ZFHX3: variants seen among roughly 807,000 people sequenced by gnomAD.
The protein encoded by ZFHX3 is zinc finger homeobox protein 3.
Under a neutral mutation model 279.1 loss-of-function variants are expected in ZFHX3, and 42 were observed. The observed-to-expected ratio is 0.15, with a 90% CI of 0.12 to 0.19. The LOEUF is 0.19. Ranked by LOEUF, ZFHX3 falls within the 10% of genes least tolerant of loss-of-function variation. ZFHX3 has a pLI of 1.00. For synonymous variants in ZFHX3, 2,293 were observed against 1,957.8 expected (o/e 1.17, Z -4.52); for missense variants, 4,981 against 4,754.0 (o/e 1.05, Z -1.40).
chr16:73,551,931 A>T (rs1301742380), intron 2 of ZFHX3, among the ~76,000 whole-genome samples: 3 of 152,228 alleles, frequency 2.0e-5, no homozygotes, highest in African/African-American at 7.2e-5. Flanking sequence ...AACAAGTATC[A>T]TCAACATTTA....
At chr16:73,425,427 T>C (rs768656273) in intron 3 of ZFHX3, among the ~76,000 whole-genome samples, 1 of 152,194 alleles carries the variant, frequency 6.6e-6, no homozygotes, top group African/African-American at 2.4e-5. Flanking sequence ...TATAATCTCA[T>C]ATAATCGTCA....
At chr16:72,890,233 G>GTGATACTGAGTTCTCA (rs1313877744) in intron 3 of ZFHX3, among the ~76,000 whole-genome samples, 9 of 152,198 alleles carry the variant, frequency 5.9e-5, no homozygotes, top group Non-Finnish European at 1.3e-4. Context: ...TGCTGTTCTT[G>GTGATACTGAGTTCTCA]TGATACTGAG....
In ZFHX3 at chr16:72,959,507, C is replaced by G; in HGVS notation, c.639G>C (p.Gln213His). 6.2e-7 allele frequency: 1 copy of G among 1,614,272 alleles called. No individual in the cohort carries two copies. The highest frequency in any genetic ancestry group is 8.5e-7 in the Non-Finnish European group (1 of 1,180,042). Residue 213 changes from glutamine (Q) to histidine (H), a missense_variant, in exon 2 of 10, where the codon CAG becomes CAC. Physicochemically the swap from Gln to His is conservative, Grantham distance 24. Around this residue, in one of 7 missense-constraint regions of ZFHX3, gnomAD observed 1,068 missense variants for 935.2 expected, o/e 1.14. Transcript: ENST00000268489. ...CCAGGGCTGAGGTATTCGGGAAAGC[C>G]TGGTCTGGGCCCTCAAACCATTTCC... ...SFGKWFEGPD[Q>H]AFPNTSALAG... is the part of the protein sequence containing the mutation.
At chr16:73,566,281 T>A (rs1451669046) in intron 2 of ZFHX3, among the ~76,000 whole-genome samples, 1 of 152,236 alleles carries the variant, frequency 6.6e-6, no homozygotes, top group Non-Finnish European at 1.5e-5. Flanking sequence ...GATCTCCTCA[T>A]AGACCTAAAA....
intron 1 of ZFHX3, among the ~76,000 whole-genome samples, chr16:73,038,948 C>G (rs953722773): frequency 3.3e-5 from 5 of 151,766 alleles, no homozygotes; most frequent in Non-Finnish European, 7.4e-5. Flanking sequence ...CAGGCGTGCA[C>G]CACCACGCCC....
At position 72,795,667 on chromosome 16, in the gene ZFHX3, G is replaced by C; in HGVS notation, c.7015C>G (p.Arg2339Gly). ...TGGTGCTTGATGAGATCAAAGATGC[G>C]CTGAAACACCAGGCTACATTTTTTG... ...QCKKCSLVFQ[R>G]IFDLIKHQKK... The change falls in exon 9 of 10, where the codon CGC becomes GGC. Residue 2339 changes from arginine (R) to glycine (G), a missense_variant. Transcript: ENST00000268489. 1 of 1,613,994 alleles carries C rather than the reference G, an allele frequency of 6.2e-7. No individual in the cohort carries two copies. Among genetic ancestry groups the C allele is most frequent in the Non-Finnish European group, 8.5e-7 (1 of 1,179,992 alleles).
chr16:73,460,346 C>A (rs1179693777), intron 2 of ZFHX3, among the ~76,000 whole-genome samples: 1 of 152,118 alleles, frequency 6.6e-6, no homozygotes, highest in Non-Finnish European at 1.5e-5. Flanking sequence ...AGATATTCTA[C>A]AGTTTGCTTA....
intron 3 of ZFHX3, among the ~76,000 whole-genome samples, chr16:73,450,764 G>C (rs941520440): frequency 2.0e-5 from 3 of 152,194 alleles, no homozygotes; most frequent in African/African-American, 7.2e-5. Flanking sequence ...CAGATTAACA[G>C]CTTCTGCCAT....
chr16:73,527,704 A>C (rs2019719672), intron 2 of ZFHX3, among the ~76,000 whole-genome samples: 1 of 152,154 alleles, frequency 6.6e-6, no homozygotes, highest in Non-Finnish European at 1.5e-5. Context: ...GCAAGCTACC[A>C]TGTGTTAGCT....
At chr16:72,904,505 A>G (rs1461000568) in intron 3 of ZFHX3, among the ~76,000 whole-genome samples, 2 of 152,060 alleles carry the variant, frequency 1.3e-5, no homozygotes, top group African/African-American at 4.8e-5. Context: ...CTTGCCTTTC[A>G]AGACCTATCT....
Position 73,084,810 on chromosome 16 carries a change from G to A in ZFHX3, c.-533+8425C>T, listed in dbSNP as rs184039600. 1.0e-2 allele frequency among the ~76,000 whole-genome samples: 1,514 copies of A among 152,158 alleles called. 18 individuals carry two copies. The highest frequency in any genetic ancestry group is 0.016 in the Admixed American group (252 of 15,278). ...GCTGGGATGACAGGCATGAGCCACC[G>A]CGTCTGGCCATACCTAGAAATAAAT... On this transcript the variant is annotated intron_variant, in intron 8 of 17. Coordinates refer to the ZFHX3 transcript ENST00000641206.
intron 1 of ZFHX3, among the ~76,000 whole-genome samples, chr16:73,871,682 T>A (rs2078129611): frequency 6.6e-6 from 1 of 152,154 alleles, no homozygotes; most frequent in African/African-American, 2.4e-5. Flanking sequence ...TGTTTATCTT[T>A]TGCAAAGGCC....
intron 3 of ZFHX3, among the ~76,000 whole-genome samples, chr16:73,390,649 G>A (rs1567469354): frequency 6.6e-6 from 1 of 152,134 alleles, no homozygotes. Context: ...GATACAATCG[G>A]TATTAGTGGC....
Position 72,959,995 on chromosome 16 carries a change from C to G in ZFHX3, c.151G>C (p.Asp51His), listed in dbSNP as rs376506658. The change falls in exon 2 of 10, where the codon GAC becomes CAC. Residue 51 changes from aspartate to histidine, a missense_variant. Around this residue, in one of 7 missense-constraint regions of ZFHX3, gnomAD observed 1,068 missense variants for 935.2 expected, o/e 1.14. Transcript: ENST00000268489. ...QSTGESHGPLDSLRAPFNERL... is the reference protein window; with the variant it reads ...QSTGESHGPLHSLRAPFNERL... ...TCATTGAAGGGGGCCCTCAGGCTGT[C>G]CAAGGGCCCGTGGCTCTCGCCTGTG... 170 of 1,613,646 alleles carry G rather than the reference C, an allele frequency of 1.1e-4. No individual in the cohort carries two copies. The highest frequency in any genetic ancestry group is 1.3e-4 in the Non-Finnish European group (154 of 1,179,778).
intron 5 of ZFHX3, among the ~76,000 whole-genome samples, chr16:73,193,546 G>T (rs1968086317): frequency 1.3e-5 from 2 of 152,290 alleles, no homozygotes; most frequent in Non-Finnish European, 1.5e-5. Context: ...GTAAGGACTG[G>T]AGTGAAGCAA....
At chr16:73,181,161 T>G (rs1342264165) in intron 5 of ZFHX3, among the ~76,000 whole-genome samples, 1 of 151,706 alleles carries the variant, frequency 6.6e-6, no homozygotes, top group Non-Finnish European at 1.5e-5. Context: ...AGTGCAGTGG[T>G]ATAATCTCGG....
chr16:73,365,537 A>T (rs187816192), intron 3 of ZFHX3, among the ~76,000 whole-genome samples: 1 of 152,220 alleles, frequency 6.6e-6, no homozygotes, highest in Non-Finnish European at 1.5e-5. Flanking sequence ...GTTCAGTGAC[A>T]TATAGAGGAG....
At chr16:73,120,882 C>G (rs907384529) in intron 7 of ZFHX3, among the ~76,000 whole-genome samples, 1 of 151,724 alleles carries the variant, frequency 6.6e-6, no homozygotes, top group African/African-American at 2.4e-5. Flanking sequence ...TCTTGATATC[C>G]TGACCTTGTG....
At chr16:73,655,529 C>T (rs1029318383) in intron 2 of ZFHX3, among the ~76,000 whole-genome samples, 12 of 151,940 alleles carry the variant, frequency 7.9e-5, no homozygotes, top group Admixed American at 3.9e-4. Flanking sequence ...ATTACATTAA[C>T]GTCAAAAGGG....
Sources: gnomAD v4.1 joint callset for allele counts (sites outside exome capture counted in the v4.1 genomes callset) on GRCh38, gnomAD v4.1.1 for gene constraint, gnomAD v4.1.1 regional missense constraint, MANE v1.5 for transcripts, NCBI Gene and HGNC (gene_info 2026-07-23, HGNC 2026-07-21) for gene names.